GALNT7: variants seen among roughly 807,000 people sequenced by gnomAD.
The protein encoded by GALNT7 is N-acetylgalactosaminyltransferase 7.
A neutral mutation model predicts 82.1 loss-of-function variants in GALNT7; 60 were observed. The observed-to-expected ratio is 0.73, with a 90% CI of 0.59 to 0.91. GALNT7 has a LOEUF of 0.91. Among genes scored for constraint, GALNT7 ranks in the 40% least tolerant of loss-of-function variants. The pLI is 0.00. For missense variants in GALNT7, 660 were observed against 804.2 expected, an observed-to-expected ratio of 0.82 and a Z score of 2.17; for synonymous variants, 243 against 275.1, an observed-to-expected ratio of 0.88 and a Z score of 1.15.
chr4:173,191,233 G>C (rs1033609110), intron 1 of GALNT7, among the ~76,000 whole-genome samples: 10 of 152,100 alleles, frequency 6.6e-5, no homozygotes, highest in African/African-American at 4.8e-5. Flanking sequence ...GGGATGGGGG[G>C]GGTACTTGGC....
At chr4:173,264,636 C>T (rs933568240) in intron 2 of GALNT7, among the ~76,000 whole-genome samples, 1 of 152,276 alleles carries the variant, frequency 6.6e-6, no homozygotes, top group East Asian at 1.9e-4. Flanking sequence ...TCTTTAAATC[C>T]GTGGGCTCCT....
Position 173,313,953 on chromosome 4 carries a change from T to TA in GALNT7, c.1390-4dup, listed in dbSNP as rs751943947. On this transcript the variant is annotated splice_region_variant and splice_polypyrimidine_tract_variant and intron_variant, in intron 8 of 11. Coordinates refer to ENST00000265000, the MANE Select transcript of GALNT7 (RefSeq NM_017423.3). The stretch of plus-strand genomic sequence containing the variant: ...GATATATATATATATATTTTTTTTT[T>TA]ACAGAATTATGTTAGAGTTGTGGAG... The TA allele has an allele frequency of 7.4e-7, 1 of 1,348,046 alleles. No individual in the cohort carries two copies. The highest frequency in any genetic ancestry group is 1.5e-5 in the African/African-American group (1 of 68,060). 83.5% of individuals were successfully genotyped at this position (1,348,046 alleles called of 1,614,324 possible).
chr4:173,315,270 T>G (rs74620701), intron 9 of GALNT7, among the ~76,000 whole-genome samples: 3,795 of 152,206 alleles, frequency 0.025, 107 homozygotes, highest in African/African-American at 0.064. Context: ...GAGGTTGTTT[T>G]GAGTAGCTGA....
rs139360181 is a variant in GALNT7 at position 173,168,847 on chromosome 4, G to A, written c.12G>A (p.Lys4=). ...GCCGCCGGAGGAAGATGAGGCTGAAGATTGGGTTCATCTTACGCAGTTTGC... is the reference window on the plus strand; with the variant it reads ...GCCGCCGGAGGAAGATGAGGCTGAAAATTGGGTTCATCTTACGCAGTTTGC... MRL[K]IGFILRSLLV... is the part of the protein sequence containing the mutation. Residue 4 remains lysine, a synonymous_variant, in exon 1 of 12, where the codon AAG becomes AAA. Transcript: ENST00000265000. 6.2e-7 allele frequency: 1 copy of A among 1,612,962 alleles called. No individual in the cohort carries two copies.
At position 173,313,944 on chromosome 4, in the gene GALNT7, T is replaced by TATA. The variant is rs557206198; in HGVS notation, c.1390-14_1390-13insATA. 114 of 892,612 alleles carry TATA rather than the reference T, an allele frequency of 1.3e-4. No individual in the cohort carries two copies. In the African/African-American group the frequency reaches 1.5e-3, roughly 12 times the overall value. The allele number at this position is 892,612 out of a possible 1,614,324, so 55.3% of individuals were successfully genotyped here. ...TTTTATAACGATATATATATATATA[T>TATA]TTTTTTTTTACAGAATTATGTTAGA... On this transcript the variant is annotated splice_polypyrimidine_tract_variant and intron_variant, in intron 8 of 11. Coordinates refer to ENST00000265000, the MANE Select transcript of GALNT7 (RefSeq NM_017423.3).
chr4:173,210,585 C>T (rs1733247118), intron 1 of GALNT7, among the ~76,000 whole-genome samples: 1 of 152,128 alleles, frequency 6.6e-6, no homozygotes, highest in Admixed American at 6.6e-5. Context: ...TCCCAAGCAG[C>T]TGGGACTACA....
intron 1 of GALNT7, among the ~76,000 whole-genome samples, chr4:173,174,699 TG>T (rs1731981433): frequency 6.6e-6 from 1 of 151,970 alleles, no homozygotes; most frequent in Admixed American, 6.6e-5. Flanking sequence ...ACAATCTAGT[TG>T]GGGGTGGGGA....
chr4:173,183,033 C>T (rs916451549), intron 1 of GALNT7, among the ~76,000 whole-genome samples: 6 of 103,174 alleles, frequency 5.8e-5, no homozygotes, highest in African/African-American at 2.6e-4. Flanking sequence ...ACTCATAATC[C>T]ACACACATAA....
chr4:173,257,115 G>A (rs1735067795), intron 2 of GALNT7, among the ~76,000 whole-genome samples: 1 of 152,198 alleles, frequency 6.6e-6, no homozygotes, highest in African/African-American at 2.4e-5. Flanking sequence ...TGGAGAGAAG[G>A]CAATCTTTAA....
intron 2 of GALNT7, among the ~76,000 whole-genome samples, chr4:173,284,274 T>C (rs1736228662): frequency 6.6e-6 from 1 of 152,202 alleles, no homozygotes; most frequent in African/African-American, 2.4e-5. Flanking sequence ...AAGACAACAA[T>C]TGTCTGTAAA....
At chr4:173,286,608 A>G (rs542026821) in intron 2 of GALNT7, among the ~76,000 whole-genome samples, 1 of 152,298 alleles carries the variant, frequency 6.6e-6, no homozygotes, top group Admixed American at 6.5e-5. Context: ...AAGCATAGAG[A>G]CTGAATGCTT....
chr4:173,309,723 A>T (rs1234832555), intron 8 of GALNT7, among the ~76,000 whole-genome samples: 1 of 152,222 alleles, frequency 6.6e-6, no homozygotes, highest in Non-Finnish European at 1.5e-5. Flanking sequence ...TAATAAGCAG[A>T]CAGCTAAGCT....
rs770370133 is a variant in GALNT7, at chr4:173,292,106, A to G, written c.588-2A>G. On this transcript the variant is annotated splice_acceptor_variant, in intron 2 of 11. Transcript: ENST00000265000. LOFTEE classifies it high-confidence loss of function. This position sits in a 1 kb window ranked among gnomAD's most constrained non-coding sequence, Gnocchi z 4.8. ...AAATATGATGAAATTTTCTCTTTAC[A>G]GATGCAAGTATTGGCATTATGATGA... is the stretch of plus-strand genomic sequence containing the variant. 2.5e-6 allele frequency: 4 copies of G among 1,598,174 alleles called. No individual in the cohort carries two copies. Among genetic ancestry groups the G allele is most frequent in the Non-Finnish European group, 3.4e-6 (4 of 1,169,548 alleles).
intron 1 of GALNT7, among the ~76,000 whole-genome samples, chr4:173,234,180 G>T (rs1328138585): frequency 6.6e-6 from 1 of 152,256 alleles, no homozygotes; most frequent in South Asian, 2.1e-4. Flanking sequence ...CTAGTCATCT[G>T]TCTCTTCTAT....
intron 1 of GALNT7, among the ~76,000 whole-genome samples, chr4:173,198,226 ATTTT>A (rs35936188): frequency 1.4e-5 from 2 of 138,912 alleles, no homozygotes; most frequent in Non-Finnish European, 3.1e-5. Context: ...TGCCTGGCTA[ATTTT>A]TTTTTTTTTT....
intron 2 of GALNT7, among the ~76,000 whole-genome samples, chr4:173,287,035 G>A (rs548421994): frequency 7.2e-5 from 11 of 152,296 alleles, no homozygotes; most frequent in Admixed American, 5.2e-4. Context: ...GTTTCAACTC[G>A]AGGGTGAGAA....
intron 1 of GALNT7, among the ~76,000 whole-genome samples, chr4:173,215,490 G>T (rs1256069741): frequency 6.6e-6 from 1 of 151,934 alleles, no homozygotes; most frequent in Non-Finnish European, 1.5e-5. Context: ...TCGGCCTTTC[G>T]AAGTGCTGGG....
intron 5 of GALNT7, among the ~76,000 whole-genome samples, chr4:173,296,595 A>G (rs1736723239): frequency 6.6e-6 from 1 of 152,218 alleles, no homozygotes; most frequent in Non-Finnish European, 1.5e-5. Context: ...TATTAGCCCC[A>G]TTTGACTGAA....
rs1734709754 is a variant in GALNT7 at position 173,248,001 on chromosome 4, C to T, written c.148C>T (p.Pro50Ser). The T allele has an allele frequency of 6.2e-7, 1 of 1,612,076 alleles. No individual in the cohort carries two copies. Among genetic ancestry groups the T allele is most frequent in the Non-Finnish European group, 8.5e-7 (1 of 1,178,556 alleles). Residue 50 changes from proline (P) to serine (S), a missense_variant, in exon 2 of 12, where the codon CCC becomes TCC. Physicochemically the swap from Pro to Ser is moderately conservative, Grantham distance 74. Transcript: ENST00000265000. ...RMREDRDVND[P>S]MPNRGGNGLA... is the part of the protein sequence containing the mutation. ...ATAGGAAGACAGAGATGTCAATGAC[C>T]CCATGCCCAACCGAGGCGGCAATGG...
Sources: gnomAD v4.1 joint callset for allele counts (sites outside exome capture counted in the v4.1 genomes callset) on GRCh38, gnomAD v4.1.1 for gene constraint, Gnocchi (gnomAD v3.1) non-coding constraint, MANE v1.5 for transcripts, NCBI Gene and HGNC (gene_info 2026-07-23, HGNC 2026-07-21) for gene names.